The following PDE1A variants were observed in gnomAD, a reference collection of about 807,000 sequenced individuals.
PDE1A encodes phosphodiesterase 1A, also known as dual specificity calcium/calmodulin-dependent 3',5'-cyclic nucleotide phosphodiesterase 1A.
A neutral mutation model predicts 61.7 loss-of-function variants in PDE1A; 35 were observed. The ratio of observed to expected loss-of-function variants is 0.57; its 90% CI spans 0.43 to 0.75. The LOEUF is 0.75. PDE1A is among the 30% of genes least tolerant of loss of function. The probability of loss-of-function intolerance (pLI) is 0.00; values close to 1 mark genes in which losing one functional copy is unlikely to be tolerated. For synonymous variants in PDE1A, 232 were observed against 213.2 expected (o/e 1.09, Z -0.77); for missense variants, 597 against 630.6 (o/e 0.95, Z 0.57).
the PDE1A span, among the ~76,000 whole-genome samples, chr2:182,549,849 C>T: frequency 1.3e-5 from 2 of 152,050 alleles, no homozygotes; most frequent in East Asian, 1.9e-4. Flanking sequence ...TGTTTAATTC[C>T]GTTTTATAAA....
chr2:182,704,212 A>G, the PDE1A span, among the ~76,000 whole-genome samples: 1 of 38,974 alleles, frequency 2.6e-5, no homozygotes, highest in East Asian at 7.9e-4. Flanking sequence ...CTCCGTCTGG[A>G]AAAAAAAAAA....
At chr2:182,558,416 A>G in the PDE1A span, among the ~76,000 whole-genome samples, 2 of 152,086 alleles carry the variant, frequency 1.3e-5, no homozygotes, top group South Asian at 2.1e-4. Flanking sequence ...CCATATCTCT[A>G]TTTAGCCCTT....
intron 1 of PDE1A, among the ~76,000 whole-genome samples, chr2:182,377,192 G>T (rs1409021191): frequency 6.6e-6 from 1 of 152,196 alleles, no homozygotes; most frequent in African/African-American, 2.4e-5. Flanking sequence ...GTGGGGCCTA[G>T]TGAGAAGTAT....
At chr2:182,370,616 T>A (rs868393723) in intron 1 of PDE1A, among the ~76,000 whole-genome samples, 3 of 152,310 alleles carry the variant, frequency 2.0e-5, no homozygotes, top group Non-Finnish European at 2.9e-5. Context: ...CTGCTGTTGC[T>A]GGTGAGACTG....
At chr2:182,375,885 G>A (rs1308895423) in intron 1 of PDE1A, among the ~76,000 whole-genome samples, 3 of 152,222 alleles carry the variant, frequency 2.0e-5, no homozygotes, top group Non-Finnish European at 4.4e-5. Context: ...AACACCATGT[G>A]GAGGCTGCCA....
intron 1 of PDE1A, chr2:182,314,249 C>G (rs1272383342): frequency 2.0e-5 from 3 of 152,084 alleles, no homozygotes; most frequent in Non-Finnish European, 2.9e-5. Flanking sequence ...ATGAATGAAT[C>G]TCAAAATAAT....
chr2:182,197,152 A>G (rs1174750767), intron 10 of PDE1A, among the ~76,000 whole-genome samples: 1 of 151,730 alleles, frequency 6.6e-6, no homozygotes, highest in Non-Finnish European at 1.5e-5. Flanking sequence ...ATTATGGTTT[A>G]ATTTATAATT....
At chr2:182,687,878 G>T in the PDE1A span, among the ~76,000 whole-genome samples, 1 of 152,202 alleles carries the variant, frequency 6.6e-6, no homozygotes, top group Non-Finnish European at 1.5e-5. Flanking sequence ...ACTATGCGAT[G>T]AATGCAAAAG....
At chr2:182,162,145 C>G (rs1050113855) in intron 13 of PDE1A, among the ~76,000 whole-genome samples, 13 of 152,156 alleles carry the variant, frequency 8.5e-5, no homozygotes, top group Middle Eastern at 3.2e-3. Context: ...TTAAAGATCT[C>G]TGTGATTGCT....
At chr2:182,589,317 G>C in the PDE1A span, among the ~76,000 whole-genome samples, 1 of 130,480 alleles carries the variant, frequency 7.7e-6, no homozygotes, top group Non-Finnish European at 1.7e-5. Context: ...GGAAAAAGAG[G>C]TATGATTGAT....
the PDE1A span, among the ~76,000 whole-genome samples, chr2:182,610,654 G>A: frequency 2.0e-5 from 3 of 151,948 alleles, no homozygotes; most frequent in African/African-American, 4.8e-5. Flanking sequence ...ATAAAAGCTA[G>A]GGTTAAATAA....
At chr2:182,635,638 T>C in the PDE1A span, among the ~76,000 whole-genome samples, 885 of 152,050 alleles carry the variant, frequency 5.8e-3, 6 homozygotes, top group African/African-American at 0.02. Flanking sequence ...CTTTTCATTT[T>C]AATCATTTAT....
chr2:182,392,846 G>A (rs1701495841), intron 1 of PDE1A, among the ~76,000 whole-genome samples: 2 of 152,248 alleles, frequency 1.3e-5, no homozygotes, highest in African/African-American at 4.8e-5. Flanking sequence ...CTGATGCAAG[G>A]GGTGGGTTCC....
upstream of PDE1A, among the ~76,000 whole-genome samples, chr2:182,431,462 G>T (rs1157238004): frequency 6.6e-6 from 1 of 152,100 alleles, no homozygotes. Flanking sequence ...GAGATAAATG[G>T]CAGGGTGTAA....
the PDE1A span, among the ~76,000 whole-genome samples, chr2:182,551,444 G>T: frequency 6.6e-6 from 1 of 152,152 alleles, no homozygotes; most frequent in Non-Finnish European, 1.5e-5. Context: ...AGCAGTGGGT[G>T]TCGTGGAATT....
the PDE1A span, among the ~76,000 whole-genome samples, chr2:182,641,506 A>G: frequency 2.0e-5 from 3 of 152,184 alleles, no homozygotes; most frequent in South Asian, 6.2e-4. Flanking sequence ...GAAATTTTTT[A>G]ACTAAGAGCA....
At chr2:182,413,972 G>C (rs1194496819) in intron 1 of PDE1A, among the ~76,000 whole-genome samples, 1 of 152,148 alleles carries the variant, frequency 6.6e-6, no homozygotes, top group Non-Finnish European at 1.5e-5. Context: ...AGAGAGATTA[G>C]TATTGGTAGT....
intron 10 of PDE1A, among the ~76,000 whole-genome samples, chr2:182,190,636 TTAG>T (rs1446161562): frequency 6.6e-6 from 1 of 152,124 alleles, no homozygotes; most frequent in East Asian, 1.9e-4. Context: ...TGCCTGACAC[TTAG>T]TAGTCATTAA....
intron 1 of PDE1A, among the ~76,000 whole-genome samples, chr2:182,315,500 A>C (rs1165303879): frequency 6.6e-6 from 1 of 152,210 alleles, no homozygotes; most frequent in African/African-American, 2.4e-5. Context: ...CCATTCAAGG[A>C]AGCCACACCA....
Sources: gnomAD v4.1 joint callset for allele counts (sites outside exome capture counted in the v4.1 genomes callset) on GRCh38, gnomAD v4.1.1 for gene constraint, MANE v1.5 for transcripts, NCBI Gene and HGNC (gene_info 2026-07-23, HGNC 2026-07-21) for gene names.